The following STIM2 variants were observed in gnomAD, a reference collection of about 807,000 sequenced individuals.
STIM2 encodes the protein stromal interaction molecule 2.
In STIM2, 31 loss-of-function variants were observed where a neutral mutation model predicts 85.8. That is an observed-to-expected ratio of 0.36 (90% CI 0.27 to 0.49). The LOEUF (loss-of-function observed/expected upper bound fraction) is 0.49. Among genes scored for constraint, STIM2 ranks in the 20% least tolerant of loss-of-function variants. STIM2 has a pLI of 0.98. For synonymous variants in STIM2, 356 were observed against 331.1 expected, an observed-to-expected ratio of 1.08 and a Z score of -0.82; for missense variants, 841 against 927.6, an observed-to-expected ratio of 0.91 and a Z score of 1.21.
intron 3 of STIM2, among the ~76,000 whole-genome samples, chr4:26,963,937 C>T (rs1448801603): frequency 6.6e-6 from 1 of 152,178 alleles, no homozygotes; most frequent in Non-Finnish European, 1.5e-5. Context: ...CCATGTAGTG[C>T]ATAACCATCT....
At chr4:26,959,986 T>C (rs980089616) in intron 3 of STIM2, among the ~76,000 whole-genome samples, 5 of 152,136 alleles carry the variant, frequency 3.3e-5, no homozygotes, top group African/African-American at 1.2e-4. Flanking sequence ...GATAATAAAC[T>C]TTCACTAGAA....
chr4:26,969,061 G>T (rs1012208776), intron 3 of STIM2, among the ~76,000 whole-genome samples: 15 of 152,152 alleles, frequency 9.9e-5, no homozygotes, highest in Admixed American at 6.5e-4. Flanking sequence ...TTTATGGATT[G>T]AAAAGATTTT....
In STIM2 at chr4:27,024,581, A is replaced by C. The variant is rs1474739787; in HGVS notation, c.*1585A>C. 6.6e-6 allele frequency: 1 copy of C among 152,228 alleles called. No individual in the cohort carries two copies. Among genetic ancestry groups the C allele is most frequent in the South Asian group, 2.1e-4 (1 of 4,834 alleles). 9.4% of individuals were successfully genotyped at this position (152,228 alleles called of 1,614,324 possible). A position where few individuals can be genotyped will look rare whatever the true frequency, so the allele number is the denominator to read the frequency against. On this transcript the variant is annotated 3_prime_UTR_variant, in exon 12 of 12. Coordinates refer to ENST00000467087, the MANE Select transcript of STIM2 (RefSeq NM_020860.4). ...TGTCTCCTATAAATTGTGATTGTTT[A>C]TTCTATTACTATTGTTAAAAACTTG...
intron 1 of STIM2, among the ~76,000 whole-genome samples, chr4:26,865,954 T>C (rs1490886378): frequency 1.3e-5 from 2 of 151,984 alleles, no homozygotes; most frequent in African/African-American, 4.8e-5. Flanking sequence ...CATCACTGTT[T>C]TTGATTCTGA....
At chr4:26,867,047 G>A (rs1026865741) in intron 1 of STIM2, among the ~76,000 whole-genome samples, 1 of 152,060 alleles carries the variant, frequency 6.6e-6, no homozygotes, top group Admixed American at 6.6e-5. Flanking sequence ...AGATAACAGA[G>A]ATAAGGATAT....
chr4:27,008,173 C>T (rs1728436303), intron 8 of STIM2, among the ~76,000 whole-genome samples: 1 of 152,020 alleles, frequency 6.6e-6, no homozygotes, highest in South Asian at 2.1e-4. Flanking sequence ...AGATTCGGGT[C>T]TTCCTGAACC....
intron 2 of STIM2, among the ~76,000 whole-genome samples, chr4:26,922,976 G>T (rs909099327): frequency 6.6e-6 from 1 of 151,994 alleles, no homozygotes; most frequent in African/African-American, 2.4e-5. Flanking sequence ...AAATGTCCCT[G>T]TCTGACAGCT....
chr4:26,998,688 G>A (rs1189754055), intron 4 of STIM2, among the ~76,000 whole-genome samples: 11 of 151,984 alleles, frequency 7.2e-5, no homozygotes, highest in Admixed American at 3.9e-4. Context: ...TGAGGCGGGC[G>A]GATCACGAGG....
intron 10 of STIM2, 111 bp downstream of exon 10, chr4:27,009,113 C>T (rs1313807782): frequency 2.7e-5 from 22 of 829,608 alleles, no homozygotes; most frequent in Non-Finnish European, 3.6e-5. Flanking sequence ...TTGGGTTTAT[C>T]CTTCATTTTC....
At chr4:27,007,214 A>G (rs1208704159) in intron 7 of STIM2, among the ~76,000 whole-genome samples, 4 of 152,112 alleles carry the variant, frequency 2.6e-5, no homozygotes, top group Admixed American at 2.0e-4. Context: ...TTTTCATAAC[A>G]TACAAAACTA....
intron 2 of STIM2, among the ~76,000 whole-genome samples, chr4:26,927,706 A>T (rs1725012165): frequency 2.6e-5 from 3 of 115,280 alleles, no homozygotes; most frequent in South Asian, 5.1e-4. Context: ...AAAAAAAAAA[A>T]ACTTGAATAA....
At chr4:26,948,602 A>G (rs532318629) in intron 2 of STIM2, among the ~76,000 whole-genome samples, 3 of 152,300 alleles carry the variant, frequency 2.0e-5, no homozygotes, top group African/African-American at 7.2e-5. Context: ...TCTCTATAAA[A>G]AGAAAATCTT....
chr4:26,942,449 C>G (rs920953832), intron 2 of STIM2, among the ~76,000 whole-genome samples: 1 of 152,122 alleles, frequency 6.6e-6, no homozygotes, highest in Non-Finnish European at 1.5e-5. Context: ...TCATTCTTCC[C>G]TCCTTTGATT....
intron 1 of STIM2, among the ~76,000 whole-genome samples, chr4:26,885,821 TTATATATATATATATATATATATA>T (rs56851120): frequency 0.024 from 2,012 of 84,646 alleles, 105 homozygotes; most frequent in Non-Finnish European, 0.039. Context: ...GCACCTCAGG[TTATATATATATATATATATATATA>T]TATATATATA....
At chr4:26,984,003 GAAA>G (rs1727492867) in intron 3 of STIM2, among the ~76,000 whole-genome samples, 4 of 152,170 alleles carry the variant, frequency 2.6e-5, no homozygotes, top group Admixed American at 6.5e-5. Flanking sequence ...AGCTATAATT[GAAA>G]AGCTATAATT....
chr4:26,995,394 T>G lies in STIM2; in HGVS notation c.413T>G (p.Leu138Arg). ...TCTCCTGCAGTTCATAATTGGACCC[T>G]TGAAGACACTCTTCAGTGGTTGATA... The change falls in exon 4 of 12, where the codon CTT (leucine) becomes CGT (arginine). Residue 138 changes from leucine (L) to arginine (R), a missense_variant. By Grantham distance (102) the Leu-to-Arg change is moderately radical. Around this residue, in one of 3 missense-constraint regions of STIM2, gnomAD observed 408 missense variants for 525.4 expected, o/e 0.78. Transcript: ENST00000467087. 1 of 1,585,394 alleles carries G rather than the reference T, an allele frequency of 6.3e-7. No individual in the cohort carries two copies. Among genetic ancestry groups the G allele is most frequent in the Non-Finnish European group, 8.6e-7 (1 of 1,166,992 alleles).
At chr4:26,861,524 G>A in intron 1 of STIM2, 155 bp downstream of exon 1, 9 of 1,147,094 alleles carry the variant, frequency 7.8e-6, no homozygotes, top group Non-Finnish European at 8.8e-6. Context: ...GCGGTCCCCT[G>A]CACTCCGGAC....
At chr4:26,879,080 C>T (rs1381049543) in intron 1 of STIM2, among the ~76,000 whole-genome samples, 1 of 152,038 alleles carries the variant, frequency 6.6e-6, no homozygotes, top group Non-Finnish European at 1.5e-5. Flanking sequence ...CTGTCGTGTG[C>T]TCTTTTTGTA....
intron 3 of STIM2, among the ~76,000 whole-genome samples, chr4:26,965,803 C>T (rs578198523): frequency 1.9e-4 from 29 of 152,082 alleles, no homozygotes; most frequent in Admixed American, 3.3e-4. Context: ...ATAGATTGTT[C>T]TTGGTTTTAT....
Sources: gnomAD v4.1 joint callset for allele counts (sites outside exome capture counted in the v4.1 genomes callset) on GRCh38, gnomAD v4.1.1 for gene constraint, gnomAD v4.1.1 regional missense constraint, MANE v1.5 for transcripts, NCBI Gene and HGNC (gene_info 2026-07-23, HGNC 2026-07-21) for gene names.